AMPD2: variants seen among roughly 807,000 people sequenced by gnomAD.
The protein encoded by AMPD2 is adenosine monophosphate deaminase 2.
In AMPD2, 52 loss-of-function variants were observed where a neutral mutation model predicts 91.3. The observed-to-expected ratio is 0.57, with a 90% CI of 0.46 to 0.72. The LOEUF is 0.72. Ranked by LOEUF, AMPD2 falls within the 30% of genes least tolerant of loss-of-function variation. The pLI, the probability that AMPD2 is intolerant of heterozygous loss-of-function variation, is 0.00. For synonymous variants in AMPD2, 455 were observed against 456.4 expected (o/e 1.00, Z 0.04); for missense variants, 822 against 1,122.3 (o/e 0.73, Z 3.82).
In AMPD2 at chr1:109,631,970, G is replaced by A. The variant is rs1651305812; in HGVS notation, c.*818G>A. ...CAGCTGGCCCCTATGTTGTGTTCTG[G>A]ACTGAGGCCTTTGCTGTGAACTGCA... On this transcript the variant is annotated 3_prime_UTR_variant, in exon 19 of 19. Coordinates refer to ENST00000528667, the MANE Select transcript of AMPD2 (RefSeq NM_001368809.2). The A allele has an allele frequency of 6.5e-6, 1 of 152,758 alleles. No homozygotes were observed. Among genetic ancestry groups the A allele is most frequent in the South Asian group, 2.1e-4 (1 of 4,836 alleles). 9.5% of individuals were successfully genotyped at this position (152,758 alleles called of 1,614,324 possible). A position where few individuals can be genotyped will look rare whatever the true frequency, so the allele number is the denominator to read the frequency against.
At chr1:109,623,253 C>T (rs920677675) in intron 2 of AMPD2, among the ~76,000 whole-genome samples, 1 of 152,154 alleles carries the variant, frequency 6.6e-6, no homozygotes, top group African/African-American at 2.4e-5. Context: ...GGGAAGGGAC[C>T]ACTTATCGCC....
chr1:109,620,872 C>T (rs534551688), intron 1 of AMPD2, 42 bp from the exon 2 acceptor site: 1 of 1,439,924 alleles, frequency 6.9e-7, no homozygotes, highest in East Asian at 2.5e-5. Flanking sequence ...CTGGCCCTTC[C>T]CCATCTTCTT....
intron 6 of AMPD2, 46 bp downstream of exon 6, chr1:109,626,473 T>C (rs1557932136): frequency 2.0e-6 from 3 of 1,521,304 alleles, no homozygotes; most frequent in African/African-American, 1.4e-5. Context: ...ACCTATGTCT[T>C]AGTGGGTTCC....
intron 17 of AMPD2, 84 bp from the exon 18 acceptor site, chr1:109,630,599 G>A (rs1273596983): frequency 2.5e-6 from 3 of 1,211,498 alleles, no homozygotes; most frequent in East Asian, 2.6e-5. Flanking sequence ...GGCGGGGGTG[G>A]GGAGAGTGAG....
At chr1:109,621,429 T>TGTGGGGGGGG in intron 2 of AMPD2, 163 bp downstream of exon 2, 1 of 139,160 alleles carries the variant, frequency 7.2e-6, no homozygotes, top group Non-Finnish European at 1.4e-5. Flanking sequence ...GAAGGTGGGG[T>TGTGGGGGGGG]GAGGGGTGGT....
Position 109,630,230 on chromosome 1 carries a change from C to T in AMPD2, c.1984-3C>T, listed in dbSNP as rs1371751189. The T allele has an allele frequency of 1.2e-6, 2 of 1,611,938 alleles. No individual in the cohort carries two copies. The highest frequency in any genetic ancestry group is 1.3e-5 in the African/African-American group (1 of 75,050). On this transcript the variant is annotated splice_region_variant and splice_polypyrimidine_tract_variant and intron_variant, in intron 16 of 18. Coordinates refer to ENST00000528667, the MANE Select transcript of AMPD2 (RefSeq NM_001368809.2). ...AGGCCCTCCCTCCCTGTTGCCTGCC[C>T]AGGCCCCCGTCCTGCAGTACCTGTA... is the stretch of plus-strand genomic sequence containing the variant.
Position 109,620,931 on chromosome 1 carries a change from C to A in AMPD2, c.-245C>A. ...CCCGCCAGGCCCAGCCACCATCAGT[C>A]ACGTCACTCCTGGGACTGAGGAGGC... On this transcript the variant is annotated 5_prime_UTR_variant, in exon 2 of 19. Coordinates refer to ENST00000528667, the MANE Select transcript of AMPD2 (RefSeq NM_001368809.2). 9 of 1,498,626 alleles carry A rather than the reference C, an allele frequency of 6.0e-6. No homozygotes were observed. Among genetic ancestry groups the A allele is most frequent in the Non-Finnish European group, 8.0e-6 (9 of 1,124,316 alleles). 92.8% of individuals were successfully genotyped at this position (1,498,626 alleles called of 1,614,324 possible). A position where few individuals can be genotyped will look rare whatever the true frequency, so the allele number is the denominator to read the frequency against.
In AMPD2 at chr1:109,629,249, G is replaced by C; in HGVS notation, c.1698+14G>C. The C allele has an allele frequency of 6.2e-7, 1 of 1,614,106 alleles. No individual in the cohort carries two copies. The highest frequency in any genetic ancestry group is 8.5e-7 in the Non-Finnish European group (1 of 1,180,008). On this transcript the variant is annotated intron_variant, in intron 14 of 18. Transcript: ENST00000528667. ...TTCTTAGAGCACGTGAGCAGGCAGC[G>C]CAGAGCTGGGTATGGGGAGGGCAGC...
chr1:109,627,859 G>C lies in AMPD2; in HGVS notation c.1036G>C (p.Ala346Pro). 1 of 1,613,808 alleles carries C rather than the reference G, an allele frequency of 6.2e-7. No individual in the cohort carries two copies. The change falls in exon 10 of 19, where the codon GCC becomes CCC. Residue 346 changes from alanine to proline, a missense_variant. Around this residue, in one of 5 missense-constraint regions of AMPD2, gnomAD observed 37 missense variants for 84.8 expected, o/e 0.44. Transcript: ENST00000528667. ...VLLNEMKELA[A>P]QKKVPHRDFY... ...ACTCAATGAGATGAAGGAGCTGGCC[G>C]CCCAGAAGAAAGTGCCACACCGAGA...
chr1:109,629,674 C>T, intron 15 of AMPD2, 122 bp from the exon 16 acceptor site: 1 of 1,482,824 alleles, frequency 6.7e-7, no homozygotes, highest in Non-Finnish European at 9.1e-7. Context: ...CCCTGTCCCC[C>T]TTATCCCAGG....
rs1448759721 is a variant in AMPD2 at position 109,626,158 on chromosome 1, A to T, written c.354-2A>T. 6.2e-7 allele frequency: 1 copy of T among 1,614,108 alleles called. No individual in the cohort carries two copies. The highest frequency in any genetic ancestry group is 1.7e-5 in the Admixed American group (1 of 60,020). On this transcript the variant is annotated splice_acceptor_variant, in intron 4 of 18. Coordinates refer to ENST00000528667, the MANE Select transcript of AMPD2 (RefSeq NM_001368809.2). LOFTEE classifies it high-confidence loss of function. ...CTGACTTCTCACCCCTCTTGCCTCTAGGCTGGAGCCAGACATCCTGCTTCG... is the reference window on the plus strand; with the variant it reads ...CTGACTTCTCACCCCTCTTGCCTCTTGGCTGGAGCCAGACATCCTGCTTCG...
intron 1 of AMPD2, chr1:109,620,619 C>T (rs1298015185): frequency 4.1e-6 from 5 of 1,211,340 alleles, no homozygotes; most frequent in Admixed American, 8.2e-5. Context: ...AGCTGGGCTA[C>T]CCCGGGAGCT....
At chr1:109,626,580 T>A (rs1395533941) in intron 6 of AMPD2, 146 bp from the exon 7 acceptor site, 20 of 1,327,190 alleles carry the variant, frequency 1.5e-5, no homozygotes, top group Non-Finnish European at 2.1e-5. Flanking sequence ...AGGAGCCACT[T>A]GATGTGCTGG....
In AMPD2 at chr1:109,629,504, C is replaced by A. The variant is rs748429729; in HGVS notation, c.1862+14C>A. 1 of 1,610,410 alleles carries A rather than the reference C, an allele frequency of 6.2e-7. No individual in the cohort carries two copies. The highest frequency in any genetic ancestry group is 2.2e-5 in the East Asian group (1 of 44,778). ...CCACCTGCGCAGGTGCCTGCACCAC[C>A]CTGTGTCTGCTTGCTATGCCATCTC... On this transcript the variant is annotated intron_variant, in intron 15 of 18. Transcript: ENST00000528667.
intron 2 of AMPD2, chr1:109,622,109 G>A (rs892567972): frequency 3.5e-5 from 15 of 427,470 alleles, no homozygotes; most frequent in African/African-American, 8.1e-5. Flanking sequence ...AGATCATGCC[G>A]ACTGCCCCCA....
Position 109,624,271 on chromosome 1 carries a change from G to T in AMPD2, c.92-1032G>T, listed in dbSNP as rs542551412. Among the ~76,000 whole-genome samples, 9 of 152,236 alleles carry T rather than the reference G, an allele frequency of 5.9e-5. No homozygotes were observed. In the South Asian group the frequency reaches 1.0e-3, roughly 17 times the overall value. ...ATCCTTCCCTAAGCCAGGGTGGAGG[G>T]TGCTGGAGGGGAGCACTCCTTACAG... On this transcript the variant is annotated intron_variant, in intron 2 of 18. Coordinates refer to ENST00000528667, the MANE Select transcript of AMPD2 (RefSeq NM_001368809.2). This position sits in a 1 kb window ranked among gnomAD's most constrained non-coding sequence, Gnocchi z 5.2.
rs758064430 is a variant in AMPD2, at chr1:109,627,873, G to A, written c.1050G>A (p.Val350=). ...EMKELAAQKK[V]PHRDFYNIRK... is the part of the protein sequence containing the mutation. The stretch of plus-strand genomic sequence containing the variant: ...AGGAGCTGGCCGCCCAGAAGAAAGT[G>A]CCACACCGAGATTTCTACAACATCC... The change falls in exon 10 of 19, where the codon GTG becomes GTA. Residue 350 remains valine, a synonymous_variant. Coordinates refer to ENST00000528667, the MANE Select transcript of AMPD2 (RefSeq NM_001368809.2). 9 of 1,613,854 alleles carry A rather than the reference G, an allele frequency of 5.6e-6. No homozygotes were observed. In the African/African-American group the frequency reaches 1.2e-4, roughly 22 times the overall value.
intron 17 of AMPD2, 130 bp downstream of exon 17, chr1:109,630,536 C>A: frequency 8.8e-7 from 1 of 1,137,158 alleles, no homozygotes; most frequent in Non-Finnish European, 1.2e-6. Context: ...GCATAGCTGG[C>A]CAATTGACAA....
At chr1:109,620,824 G>A (rs1274321166) in intron 1 of AMPD2, 90 bp from the exon 2 acceptor site, 14 of 1,356,560 alleles carry the variant, frequency 1.0e-5, no homozygotes, top group Middle Eastern at 2.8e-4. Context: ...TGGCATGATG[G>A]GGTGAGGGCT....
Sources: allele counts gnomAD v4.1 joint callset (sites outside exome capture counted in the v4.1 genomes callset), GRCh38; gene constraint gnomAD v4.1.1; regional missense constraint gnomAD v4.1.1; non-coding constraint Gnocchi (gnomAD v3.1); transcripts MANE v1.5; gene names NCBI Gene and HGNC (gene_info 2026-07-23, HGNC 2026-07-21).